Variants in RBKS observed in about 807,000 individuals in gnomAD.
RBKS encodes ribokinase.
A neutral mutation model predicts 33.9 loss-of-function variants in RBKS; 33 were observed. The observed-to-expected ratio is 0.97, with a 90% CI of 0.74 to 1.30. The LOEUF (loss-of-function observed/expected upper bound fraction) is 1.30. Among genes scored for constraint, RBKS ranks in the 50% most tolerant of loss-of-function variants. The pLI, the probability that RBKS is intolerant of heterozygous loss-of-function variation, is 0.00. For synonymous variants in RBKS, 125 were observed against 143.0 expected (o/e 0.87, Z 0.90); for missense variants, 361 against 392.6 (o/e 0.92, Z 0.68).
rs1217494223 is a variant in RBKS at position 27,801,950 on chromosome 2, GAA to G, written c.796-20164_796-20163del. 4.7e-3 allele frequency among the ~76,000 whole-genome samples: 190 copies of G among 40,496 alleles called. 4 individuals carry two copies. Among genetic ancestry groups the G allele is most frequent in the South Asian group, 0.016 (13 of 788 alleles). The allele number at this position is 40,496 out of a possible 152,430, so 26.6% of individuals were successfully genotyped here. A position where few individuals can be genotyped will look rare whatever the true frequency, so the allele number is the denominator to read the frequency against. ...TGTCTCAGTTTCCCGAGTAGCTGGG[GAA>G]AAAAAAAAAAAATATATATATATAT... On this transcript the variant is annotated intron_variant, in intron 7 of 7. Transcript: ENST00000302188.
intron 7 of RBKS, among the ~76,000 whole-genome samples, chr2:27,797,601 G>A (rs572827000): frequency 6.6e-6 from 1 of 152,292 alleles, no homozygotes; most frequent in African/African-American, 2.4e-5. Flanking sequence ...TAGTGATGAA[G>A]AAATACAGGG....
intron 7 of RBKS, among the ~76,000 whole-genome samples, chr2:27,815,157 T>A (rs1287362420): frequency 6.6e-6 from 1 of 152,032 alleles, no homozygotes; most frequent in Non-Finnish European, 1.5e-5. Flanking sequence ...TTGAGGGCAG[T>A]GGGCATGGCT....
At chr2:27,848,406 A>C (rs554784188) in intron 2 of RBKS, among the ~76,000 whole-genome samples, 238 of 152,320 alleles carry the variant, frequency 1.6e-3, no homozygotes, top group African/African-American at 5.5e-3. Flanking sequence ...ATCAATCCTC[A>C]ATATTTATGA....
chr2:27,872,355 A>G (rs1405222446), intron 1 of RBKS, among the ~76,000 whole-genome samples: 1 of 152,234 alleles, frequency 6.6e-6, no homozygotes, highest in Non-Finnish European at 1.5e-5. Flanking sequence ...TTATAAAAAA[A>G]ATTAATAAAT....
intron 5 of RBKS, among the ~76,000 whole-genome samples, chr2:27,833,045 A>G (rs531004910): frequency 6.6e-6 from 1 of 152,212 alleles, no homozygotes; most frequent in Non-Finnish European, 1.5e-5. Context: ...ACGTGATTAT[A>G]GAGTTAAGGC....
intron 7 of RBKS, among the ~76,000 whole-genome samples, chr2:27,821,004 C>CAA: frequency 7.2e-6 from 1 of 139,770 alleles, no homozygotes; most frequent in African/African-American, 2.8e-5. Context: ...TGCGCCACTG[C>CAA]ACTCCAGCCT....
chr2:27,818,773 A>G (rs1449411769), intron 7 of RBKS, among the ~76,000 whole-genome samples: 1 of 152,230 alleles, frequency 6.6e-6, no homozygotes, highest in Admixed American at 6.5e-5. Flanking sequence ...TTCAGAGGTC[A>G]GAGGTGCCTC....
chr2:27,805,445 T>C (rs1677877491), intron 7 of RBKS, among the ~76,000 whole-genome samples: 1 of 152,232 alleles, frequency 6.6e-6, no homozygotes, highest in Non-Finnish European at 1.5e-5. Context: ...TGCTGGTGTG[T>C]GCCATGTTCC....
At chr2:27,865,571 CTTT>C (rs5830052) in intron 1 of RBKS, among the ~76,000 whole-genome samples, 5 of 63,964 alleles carry the variant, frequency 7.8e-5, no homozygotes, top group Non-Finnish European at 9.9e-5. Context: ...TCTCCTCCTC[CTTT>C]TTTTTTTTTT....
chr2:27,782,775 A>C, intron 7 of RBKS: 1 of 280,012 alleles, frequency 3.6e-6, no homozygotes, highest in Non-Finnish European at 7.9e-6. Context: ...TTTAATTTTA[A>C]TTTTTTTTTT....
At chr2:27,805,255 T>C (rs1327844321) in intron 7 of RBKS, among the ~76,000 whole-genome samples, 1 of 152,226 alleles carries the variant, frequency 6.6e-6, no homozygotes, top group Non-Finnish European at 1.5e-5. Flanking sequence ...TTGGACAAAC[T>C]TGCATTAACT....
chr2:27,866,973 G>C (rs920603709), intron 1 of RBKS, among the ~76,000 whole-genome samples: 1 of 151,932 alleles, frequency 6.6e-6, no homozygotes, highest in African/African-American at 2.4e-5. Context: ...GTATGGTGGC[G>C]TGCACCTGTG....
At chr2:27,889,348 G>A (rs1664649543) in intron 1 of RBKS, among the ~76,000 whole-genome samples, 1 of 152,076 alleles carries the variant, frequency 6.6e-6, no homozygotes. Flanking sequence ...GGACGAATGA[G>A]GTGTTACTGT....
At position 27,795,028 on chromosome 2, in the gene RBKS, C is replaced by T. The variant is rs958791577; in HGVS notation, c.796-13240G>A. Reference sequence around the variant, plus strand: ...TTGTGATGGTATCCAGCGCCCTGTGCCAAGACCACCACTGGTTTCTTCTGT... The same window carrying T: ...TTGTGATGGTATCCAGCGCCCTGTGTCAAGACCACCACTGGTTTCTTCTGT... On this transcript the variant is annotated intron_variant, in intron 7 of 7. Coordinates refer to ENST00000302188, the MANE Select transcript of RBKS (RefSeq NM_022128.3). The surrounding 1 kb of genome is among the most constrained non-coding windows in gnomAD (Gnocchi z 4.1). 8.5e-5 allele frequency among the ~76,000 whole-genome samples: 13 copies of T among 152,272 alleles called. No individual in the cohort carries two copies. The East Asian group carries it at 2.1e-3, about 25-fold the overall frequency.
At chr2:27,816,047 T>C (rs1197315278) in intron 7 of RBKS, among the ~76,000 whole-genome samples, 1 of 152,134 alleles carries the variant, frequency 6.6e-6, no homozygotes, top group Non-Finnish European at 1.5e-5. Flanking sequence ...GGTAGTCACA[T>C]GTACACGCAT....
In RBKS at chr2:27,873,962, T is replaced by C. The variant is rs868172090; in HGVS notation, c.90-15391A>G. On this transcript the variant is annotated intron_variant, in intron 1 of 7. Coordinates refer to ENST00000302188, the MANE Select transcript of RBKS (RefSeq NM_022128.3). ...AATTTATAGCAGCCTTCTGTATGTATACAAGAAACACTCCAAGTCAAACTA... is the reference window on the plus strand; with the variant it reads ...AATTTATAGCAGCCTTCTGTATGTACACAAGAAACACTCCAAGTCAAACTA... 3.3e-5 allele frequency among the ~76,000 whole-genome samples: 5 copies of C among 152,296 alleles called. No homozygotes were observed. In the Middle Eastern group the frequency reaches 0.017, roughly 518 times the overall value.
At chr2:27,871,253 G>A (rs934279305) in intron 1 of RBKS, among the ~76,000 whole-genome samples, 7 of 152,020 alleles carry the variant, frequency 4.6e-5, no homozygotes, top group East Asian at 1.9e-4. Flanking sequence ...TCTGTTCTTC[G>A]TGTTCACTAA....
In RBKS at chr2:27,864,103, T is replaced by G. The variant is rs900168207; in HGVS notation, c.90-5532A>C. Among the ~76,000 whole-genome samples the G allele has an allele frequency of 2.0e-5, 3 of 152,214 alleles. No homozygotes were observed. The South Asian group carries it at 6.2e-4, about 32-fold the overall frequency. On this transcript the variant is annotated intron_variant, in intron 1 of 7. Coordinates refer to ENST00000302188, the MANE Select transcript of RBKS (RefSeq NM_022128.3). ...GTGCAGTGGTACAACCACAGCTCAC[T>G]GTAACCTCGAACTCCTGGGCTCAAG... is the stretch of plus-strand genomic sequence containing the variant.
At position 27,795,341 on chromosome 2, in the gene RBKS, G is replaced by A. The variant is rs1573034736; in HGVS notation, c.796-13553C>T. ...GAAGCAGGGAGGCTCCTGGCTGACA[G>A]GGGCCTTCGGGTCAAAGACAAGAAG... On this transcript the variant is annotated intron_variant, in intron 7 of 7. Transcript: ENST00000302188. This position sits in a 1 kb window ranked among gnomAD's most constrained non-coding sequence, Gnocchi z 4.1. Among the ~76,000 whole-genome samples, 3 of 152,162 alleles carry A rather than the reference G, an allele frequency of 2.0e-5. No homozygotes were observed. Among genetic ancestry groups the A allele is most frequent in the African/African-American group, 7.2e-5 (3 of 41,434 alleles).
Sources: gnomAD v4.1 joint callset for allele counts (sites outside exome capture counted in the v4.1 genomes callset) on GRCh38, gnomAD v4.1.1 for gene constraint, Gnocchi (gnomAD v3.1) non-coding constraint, MANE v1.5 for transcripts, NCBI Gene and HGNC (gene_info 2026-07-23, HGNC 2026-07-21) for gene names.